Variants in PLA2G4A observed in about 807,000 individuals in gnomAD.
PLA2G4A encodes the protein phospholipase A2 group IVA.
A neutral mutation model predicts 81.9 loss-of-function variants in PLA2G4A; 40 were observed. That is an observed-to-expected ratio of 0.49 (90% CI 0.38 to 0.64). PLA2G4A has a LOEUF of 0.64. Ranked by LOEUF, PLA2G4A falls within the 30% of genes least tolerant of loss-of-function variation. The pLI, the probability that PLA2G4A is intolerant of heterozygous loss-of-function variation, is 0.00. For synonymous variants in PLA2G4A, 302 were observed against 296.9 expected (o/e 1.02, Z -0.18); for missense variants, 715 against 905.1 (o/e 0.79, Z 2.69).
chr1:186,931,335 G>A (rs1160719), intron 7 of PLA2G4A, among the ~76,000 whole-genome samples: 47,279 of 151,728 alleles, frequency 0.31, 10,144 homozygotes, highest in African/African-American at 0.6. Flanking sequence ...GTGTGCTTTC[G>A]TTATGAGGTT....
At chr1:186,862,638 T>G (rs1272337355) in intron 2 of PLA2G4A, among the ~76,000 whole-genome samples, 1 of 152,210 alleles carries the variant, frequency 6.6e-6, no homozygotes, top group Admixed American at 6.5e-5. Context: ...TCAAGTGTAT[T>G]GGATCTATTA....
intron 2 of PLA2G4A, among the ~76,000 whole-genome samples, chr1:186,867,418 T>C (rs537567085): frequency 6.6e-6 from 1 of 152,172 alleles, no homozygotes; most frequent in Non-Finnish European, 1.5e-5. Context: ...ATCTTCTACA[T>C]ACATTGTTAG....
At chr1:186,887,568 G>A (rs917647974) in intron 3 of PLA2G4A, among the ~76,000 whole-genome samples, 32 of 152,044 alleles carry the variant, frequency 2.1e-4, no homozygotes, top group Admixed American at 2.0e-3. Flanking sequence ...GATGTAAAAG[G>A]GGTTTTTGCC....
At chr1:186,963,031 G>A (rs1392681216) in intron 14 of PLA2G4A, among the ~76,000 whole-genome samples, 1 of 152,058 alleles carries the variant, frequency 6.6e-6, no homozygotes, top group Non-Finnish European at 1.5e-5. Context: ...TACCTCCTTT[G>A]TAAGATTGTT....
At chr1:186,956,506 T>A (rs1480349189) in intron 14 of PLA2G4A, among the ~76,000 whole-genome samples, 162 bp downstream of exon 14, 4 of 152,092 alleles carry the variant, frequency 2.6e-5, no homozygotes, top group South Asian at 2.1e-4. Context: ...GTTTTTTTTT[T>A]GTTGTTGTTT....
chr1:186,964,072 T>C (rs1439238959), intron 14 of PLA2G4A, among the ~76,000 whole-genome samples: 1 of 152,226 alleles, frequency 6.6e-6, no homozygotes, highest in Non-Finnish European at 1.5e-5. Flanking sequence ...TCCTACTGTG[T>C]GCTGAGCATG....
intron 5 of PLA2G4A, 104 bp from the exon 6 acceptor site, chr1:186,906,861 T>G (rs1039163171): frequency 3.0e-6 from 2 of 669,800 alleles, no homozygotes; most frequent in South Asian, 3.5e-5. Flanking sequence ...TTTGTTTTTT[T>G]GATTAAAAAT....
chr1:186,917,425 A>G (rs1292487406), intron 7 of PLA2G4A, among the ~76,000 whole-genome samples: 2 of 152,154 alleles, frequency 1.3e-5, no homozygotes, highest in African/African-American at 4.8e-5. Context: ...AATTTTAAAC[A>G]ATACCATAGG....
At chr1:186,848,642 CA>C (rs1652269189) in intron 1 of PLA2G4A, among the ~76,000 whole-genome samples, 1 of 152,030 alleles carries the variant, frequency 6.6e-6, no homozygotes, top group Non-Finnish European at 1.5e-5. Flanking sequence ...AAGAACAAGA[CA>C]AAGTTGCTTT....
intron 1 of PLA2G4A, among the ~76,000 whole-genome samples, chr1:186,835,338 T>A (rs1283616891): frequency 6.6e-6 from 1 of 152,204 alleles, no homozygotes; most frequent in African/African-American, 2.4e-5. Context: ...AATGGTGTTT[T>A]AAGTTTTGAA....
chr1:186,829,388 A>C (rs1308556931), intron 1 of PLA2G4A, among the ~76,000 whole-genome samples: 1 of 152,222 alleles, frequency 6.6e-6, no homozygotes, highest in Non-Finnish European at 1.5e-5. Context: ...ACTGATCCCC[A>C]AACTTGAGCA....
chr1:186,942,589 T>A (rs1656191368), intron 10 of PLA2G4A, among the ~76,000 whole-genome samples: 1 of 152,050 alleles, frequency 6.6e-6, no homozygotes, highest in African/African-American at 2.4e-5. Context: ...AATATAAAAG[T>A]TTGTTTTTAT....
intron 8 of PLA2G4A, among the ~76,000 whole-genome samples, chr1:186,937,377 A>G (rs890553152): frequency 2.0e-5 from 3 of 152,024 alleles, no homozygotes; most frequent in Non-Finnish European, 4.4e-5. Flanking sequence ...GATGAATCAC[A>G]TGGTAGACTT....
At chr1:186,893,792 C>T (rs980408423) in intron 4 of PLA2G4A, among the ~76,000 whole-genome samples, 4 of 151,538 alleles carry the variant, frequency 2.6e-5, no homozygotes, top group East Asian at 1.9e-4. Context: ...GATGTGGTGG[C>T]GCTTGCTTGT....
chr1:186,839,209 T>C (rs1397931354), intron 1 of PLA2G4A, among the ~76,000 whole-genome samples: 3 of 152,210 alleles, frequency 2.0e-5, no homozygotes, highest in African/African-American at 7.2e-5. Flanking sequence ...TCAGGCAGCA[T>C]GGTGAGAAGA....
At chr1:186,891,992 G>C (rs1323439939) in intron 3 of PLA2G4A, among the ~76,000 whole-genome samples, 1 of 152,062 alleles carries the variant, frequency 6.6e-6, no homozygotes, top group African/African-American at 2.4e-5. Context: ...ATTTTATCCA[G>C]GTGAGATGAG....
chr1:186,945,024 T>C (rs1656288486), intron 10 of PLA2G4A, among the ~76,000 whole-genome samples: 1 of 152,090 alleles, frequency 6.6e-6, no homozygotes, highest in South Asian at 2.1e-4. Flanking sequence ...TACAGACATA[T>C]TATAATTTCA....
At chr1:186,909,074 C>T (rs1396421347) in intron 6 of PLA2G4A, among the ~76,000 whole-genome samples, 1 of 147,012 alleles carries the variant, frequency 6.8e-6, no homozygotes, top group African/African-American at 2.5e-5. Context: ...CCCAGGTTCA[C>T]GCCATTCTCC....
At chr1:186,848,817 T>C (rs1251707338) in intron 1 of PLA2G4A, among the ~76,000 whole-genome samples, 1 of 152,056 alleles carries the variant, frequency 6.6e-6, no homozygotes, top group African/African-American at 2.4e-5. Flanking sequence ...CAGTTAGCTA[T>C]CTTAAGCATA....
Sources: gnomAD v4.1 joint callset for allele counts (sites outside exome capture counted in the v4.1 genomes callset) on GRCh38, gnomAD v4.1.1 for gene constraint, MANE v1.5 for transcripts, NCBI Gene and HGNC (gene_info 2026-07-23, HGNC 2026-07-21) for gene names.